ZDHHC11B: variants seen among roughly 807,000 people sequenced by gnomAD.
ZDHHC11B encodes probable palmitoyltransferase ZDHHC11B.
ZDHHC11B carries 17 observed loss-of-function variants against 42.3 expected under a neutral mutation model. The observed-to-expected ratio is 0.40, with a 90% confidence interval of 0.27 to 0.60. ZDHHC11B has a LOEUF of 0.60. ZDHHC11B is among the 20% of genes least tolerant of loss of function. ZDHHC11B has a pLI of 0.41. For missense variants in ZDHHC11B, 262 were observed against 463.2 expected (o/e 0.57, Z 3.99); for synonymous variants, 123 against 193.5 (o/e 0.64, Z 3.02).
chr5:716,268 C>A, intron 13 of ZDHHC11B, among the ~76,000 whole-genome samples: 1 of 151,264 alleles, frequency 6.6e-6, no homozygotes, highest in East Asian at 1.9e-4. Flanking sequence ...TTTGCCAACT[C>A]ATGTGTGTGC....
In ZDHHC11B at chr5:730,989, G is replaced by A. The variant is rs181264812; in HGVS notation, c.1024-521C>T. Among the ~76,000 whole-genome samples the A allele has an allele frequency of 1.9e-4, 29 of 152,062 alleles. 1 individual carries two copies. In the South Asian group the frequency reaches 3.7e-3, roughly 20 times the overall value. ...GAGAAAATACATTTCTTGTTCCAAC[G>A]CCCCATGTGTGGTTCCTGCTTGTGG... On this transcript the variant is annotated intron_variant, in intron 11 of 13. Coordinates refer to ENST00000508859, the MANE Select transcript of ZDHHC11B (RefSeq NM_001351303.2).
chr5:715,792 T>A (rs1182306063), intron 13 of ZDHHC11B, among the ~76,000 whole-genome samples: 1 of 151,510 alleles, frequency 6.6e-6, no homozygotes. Context: ...TCCTGCCCTC[T>A]TGTCCTCTAG....
intron 1 of ZDHHC11B, among the ~76,000 whole-genome samples, chr5:778,126 G>C (rs1736697439): frequency 6.6e-6 from 1 of 151,932 alleles, no homozygotes; most frequent in Admixed American, 6.6e-5. Context: ...ATACGGGTCT[G>C]AGATGGCTGT....
chr5:759,642 T>C (rs1344840832), intron 4 of ZDHHC11B, among the ~76,000 whole-genome samples: 4 of 151,958 alleles, frequency 2.6e-5, no homozygotes, highest in Non-Finnish European at 4.4e-5. Context: ...ACGCGGGCAC[T>C]GAGGCATGCT....
At chr5:778,377 A>G (rs1345225139) in intron 1 of ZDHHC11B, among the ~76,000 whole-genome samples, 9 of 151,066 alleles carry the variant, frequency 6.0e-5, no homozygotes, top group Admixed American at 6.0e-4. Context: ...CGCGGGGCAC[A>G]CCAGGTTAGA....
At chr5:762,729 C>G (rs1185770089) in intron 4 of ZDHHC11B, among the ~76,000 whole-genome samples, 1 of 151,678 alleles carries the variant, frequency 6.6e-6, no homozygotes, top group Non-Finnish European at 1.5e-5. Context: ...AATCAATGAC[C>G]TAAGTTTCCG....
Position 766,947 on chromosome 5 carries a change from C to A in ZDHHC11B, c.1-28G>T, listed in dbSNP as rs546402957. The A allele has an allele frequency of 1.2e-4, 194 of 1,604,870 alleles. 4 individuals carry two copies. Among genetic ancestry groups the A allele is most frequent in the Non-Finnish European group, 1.6e-4 (187 of 1,174,226 alleles). On this transcript the variant is annotated intron_variant, in intron 3 of 13. Coordinates refer to ENST00000508859, the MANE Select transcript of ZDHHC11B (RefSeq NM_001351303.2). ...GCAGGACACAGAAGGGGAGGACCTG[C>A]GCCATCAGCTCCGGGGAGGGCCGGC...
chr5:761,288 C>T (rs1371030795), intron 4 of ZDHHC11B, among the ~76,000 whole-genome samples: 1 of 151,862 alleles, frequency 6.6e-6, no homozygotes, highest in Non-Finnish European at 1.5e-5. Context: ...TGACTGTGGG[C>T]TTTAGTGACA....
In ZDHHC11B at chr5:753,084, C is replaced by T. The variant is rs191774008; in HGVS notation, c.504-1827G>A. ...TTTAACCTGCAGAGTCCGAGGCCAG[C>T]GCTCGCAGTCTTCCCAGGACACCAG... On this transcript the variant is annotated intron_variant, in intron 6 of 13. Transcript: ENST00000508859. 7.3e-3 allele frequency among the ~76,000 whole-genome samples: 945 copies of T among 128,624 alleles called. 203 individuals carry two copies. The highest frequency in any genetic ancestry group is 0.015 in the Admixed American group (165 of 11,214). 84.4% of individuals were successfully genotyped at this position (128,624 alleles called of 152,430 possible).
At chr5:730,519 A>G in intron 11 of ZDHHC11B, 51 bp from the exon 12 acceptor site, 1 of 1,522,060 alleles carries the variant, frequency 6.6e-7, no homozygotes, top group Non-Finnish European at 8.8e-7. Flanking sequence ...GACCTTGTTG[A>G]CATTAAACTT....
intron 1 of ZDHHC11B, among the ~76,000 whole-genome samples, 151 bp downstream of exon 1, chr5:784,517 G>C (rs1308165756): frequency 6.6e-6 from 1 of 152,268 alleles, no homozygotes; most frequent in Admixed American, 6.5e-5. Flanking sequence ...CGGGGGCTCA[G>C]GGACGCGCAG....
intron 10 of ZDHHC11B, among the ~76,000 whole-genome samples, chr5:734,097 G>A (rs568446953): frequency 2.8e-5 from 4 of 142,510 alleles, no homozygotes; most frequent in East Asian, 2.0e-4. Context: ...TCCACCCACC[G>A]TGTGAGACTT....
At chr5:738,862 T>A (rs1743825985) in intron 10 of ZDHHC11B, among the ~76,000 whole-genome samples, 1 of 150,806 alleles carries the variant, frequency 6.6e-6, no homozygotes, top group Admixed American at 6.6e-5. Flanking sequence ...TTTCTAGGCA[T>A]TGACTTCAGC....
At chr5:777,587 T>G (rs1736630554) in intron 1 of ZDHHC11B, among the ~76,000 whole-genome samples, 1 of 151,946 alleles carries the variant, frequency 6.6e-6, no homozygotes, top group Non-Finnish European at 1.5e-5. Flanking sequence ...TTTATTCCGT[T>G]ATCTGACCCC....
In ZDHHC11B at chr5:751,613, A is replaced by G. The variant is rs567442599; in HGVS notation, c.504-356T>C. On this transcript the variant is annotated intron_variant, in intron 6 of 13. Transcript: ENST00000508859. ...GACGCGCAGGGCATCTGGAGCCCGC[A>G]GGGTGGAGGTGACAGGTCAGCGTGG... 1.6e-5 allele frequency among the ~76,000 whole-genome samples: 2 copies of G among 125,198 alleles called. 1 individual carries two copies. Among genetic ancestry groups the G allele is most frequent in the Non-Finnish European group, 3.6e-5 (2 of 56,096 alleles). 82.1% of individuals were successfully genotyped at this position (125,198 alleles called of 152,430 possible).
intron 1 of ZDHHC11B, among the ~76,000 whole-genome samples, chr5:772,366 G>C (rs1369417890): frequency 1.4e-5 from 2 of 145,956 alleles, no homozygotes; most frequent in African/African-American, 4.9e-5. Flanking sequence ...GGGCAGAAAG[G>C]AACAGGGGTC....
chr5:783,827 GC>G (rs1737050433), intron 1 of ZDHHC11B, among the ~76,000 whole-genome samples: 1 of 79,550 alleles, frequency 1.3e-5, no homozygotes, highest in Non-Finnish European at 2.2e-5. Flanking sequence ...CAAAACAGCA[GC>G]CTCCCAAACC....
At chr5:733,885 G>A (rs746832419) in intron 10 of ZDHHC11B, 46 bp from the exon 11 acceptor site, 37 of 1,524,750 alleles carry the variant, frequency 2.4e-5, no homozygotes, top group Non-Finnish European at 3.2e-5. Context: ...AGCTTTGTGG[G>A]GGGGCTCAGG....
At chr5:762,100 T>C (rs1734704888) in intron 4 of ZDHHC11B, among the ~76,000 whole-genome samples, 1 of 112,680 alleles carries the variant, frequency 8.9e-6, no homozygotes, top group Non-Finnish European at 1.8e-5. Context: ...CAGCCACTCA[T>C]GGCCCCAGAC....
Sources: gnomAD v4.1 joint callset for allele counts (sites outside exome capture counted in the v4.1 genomes callset) on GRCh38, gnomAD v4.1.1 for gene constraint, MANE v1.5 for transcripts, NCBI Gene and HGNC (gene_info 2026-07-23, HGNC 2026-07-21) for gene names.